Variants in ELOVL6 observed in about 807,000 individuals in gnomAD.
ELOVL6 encodes the protein very long chain fatty acid elongase 6.
Under a neutral mutation model 31.7 loss-of-function variants are expected in ELOVL6, and 8 were observed. That is an observed-to-expected ratio of 0.25 (90% CI 0.15 to 0.45). The LOEUF is 0.45. ELOVL6 is among the 20% of genes least tolerant of loss of function. The probability of loss-of-function intolerance (pLI) is 1.00; values close to 1 mark genes in which losing one functional copy is unlikely to be tolerated. For synonymous variants in ELOVL6, 101 were observed against 117.7 expected (o/e 0.86, Z 0.92); for missense variants, 126 against 326.4 (o/e 0.39, Z 4.73).
chr4:110,075,573 A>G (rs1231865091), intron 2 of ELOVL6, among the ~76,000 whole-genome samples: 1 of 152,230 alleles, frequency 6.6e-6, no homozygotes, highest in African/African-American at 2.4e-5. Flanking sequence ...ATTCATAGAT[A>G]CAGAAACTAG....
At chr4:110,120,806 T>TTTC (rs1757330611) in intron 1 of ELOVL6, among the ~76,000 whole-genome samples, 1 of 142,738 alleles carries the variant, frequency 7.0e-6, no homozygotes, top group Non-Finnish European at 1.6e-5. Context: ...TTCTTTTTTT[T>TTTC]TTTTTTTTTT....
At chr4:110,055,164 T>C (rs72676978) in intron 3 of ELOVL6, among the ~76,000 whole-genome samples, 12,443 of 152,264 alleles carry the variant, frequency 0.082, 551 homozygotes, top group Middle Eastern at 0.095. Context: ...CAGGCCACTC[T>C]GGCAGGTACA....
rs1361159786 is a variant in ELOVL6, at chr4:110,084,089, A to ATAACATATATATGCTATATATGATATATG, written c.221+21407_221+21408insCATATATCATATATAGCATATATATGTTA. 6.9e-5 allele frequency among the ~76,000 whole-genome samples: 9 copies of ATAACATATATATGCTATATATGATATATG among 130,334 alleles called. 3 individuals carry two copies. The highest frequency in any genetic ancestry group is 2.5e-4 in the African/African-American group (9 of 35,860). The allele number at this position is 130,334 out of a possible 152,430, so 85.5% of individuals were successfully genotyped here. On this transcript the variant is annotated intron_variant, in intron 2 of 3. Coordinates refer to ENST00000302274, the MANE Select transcript of ELOVL6 (RefSeq NM_024090.3). ...AACATATATATGCTATATATGATAT[A>ATAACATATATATGCTATATATGATATATG]TAACATATATATGATATATATGATA...
chr4:110,183,951 C>A (rs1337813653), intron 1 of ELOVL6, among the ~76,000 whole-genome samples: 4 of 152,138 alleles, frequency 2.6e-5, no homozygotes, highest in Non-Finnish European at 5.9e-5. Context: ...CACTGTACTC[C>A]AGCCTAGGCA....
intron 2 of ELOVL6, among the ~76,000 whole-genome samples, chr4:110,072,747 G>A (rs1483955806): frequency 6.6e-6 from 1 of 152,116 alleles, no homozygotes; most frequent in Non-Finnish European, 1.5e-5. Context: ...ATGCTGGCAT[G>A]GTTGCTCAGA....
intron 2 of ELOVL6, among the ~76,000 whole-genome samples, chr4:110,084,882 C>T (rs113666734): frequency 7.3e-5 from 11 of 151,556 alleles, no homozygotes; most frequent in Non-Finnish European, 8.8e-5. Flanking sequence ...TGTGAGCCAC[C>T]GTGCCCGGCG....
rs892099483 is a variant in ELOVL6, at chr4:110,198,567, C to G, written c.-232G>C. On this transcript the variant is annotated 5_prime_UTR_variant, in exon 1 of 4. Transcript: ENST00000302274. ...CCTCTCTCTGGGGCTCTCCTCCTCCCGGCGTCCGCATCCACCGTAGGAGGA... is the reference window on the plus strand; with the variant it reads ...CCTCTCTCTGGGGCTCTCCTCCTCCGGGCGTCCGCATCCACCGTAGGAGGA... The G allele has an allele frequency of 2.1e-6, 1 of 475,678 alleles. No homozygotes were observed. The highest frequency in any genetic ancestry group is 2.0e-5 in the African/African-American group (1 of 49,820). 29.5% of individuals were successfully genotyped at this position (475,678 alleles called of 1,614,324 possible).
chr4:110,103,507 T>A (rs1756808545), intron 2 of ELOVL6, among the ~76,000 whole-genome samples: 1 of 152,194 alleles, frequency 6.6e-6, no homozygotes, highest in Non-Finnish European at 1.5e-5. Flanking sequence ...GCATTTATCC[T>A]AATCTTTGCT....
At chr4:110,192,196 A>G (rs1210473745) in intron 1 of ELOVL6, among the ~76,000 whole-genome samples, 1 of 151,860 alleles carries the variant, frequency 6.6e-6, no homozygotes, top group Admixed American at 6.6e-5. Flanking sequence ...ATCCAAGAAA[A>G]AAAAAAAAAA....
At chr4:110,061,352 C>T (rs1225761754) in intron 2 of ELOVL6, among the ~76,000 whole-genome samples, 3 of 152,106 alleles carry the variant, frequency 2.0e-5, no homozygotes, top group South Asian at 2.1e-4. Flanking sequence ...CTCCCCTGTT[C>T]ATAACAAAAC....
intron 2 of ELOVL6, among the ~76,000 whole-genome samples, chr4:110,092,013 A>G (rs1413769814): frequency 6.6e-6 from 1 of 152,218 alleles, no homozygotes; most frequent in African/African-American, 2.4e-5. Flanking sequence ...CAATTTAGTT[A>G]TAAGTGATAA....
chr4:110,063,089 T>G (rs1755191778), intron 2 of ELOVL6, among the ~76,000 whole-genome samples: 2 of 152,226 alleles, frequency 1.3e-5, no homozygotes, highest in Admixed American at 6.5e-5. Context: ...GAAAATCACC[T>G]TCCTCGCTGA....
intron 1 of ELOVL6, among the ~76,000 whole-genome samples, chr4:110,190,457 C>A (rs768593987): frequency 2.6e-5 from 4 of 152,120 alleles, no homozygotes; most frequent in Non-Finnish European, 4.4e-5. Flanking sequence ...ATTGCACAAC[C>A]AACTTAAAAT....
chr4:110,058,370 T>C (rs974643210), intron 3 of ELOVL6, among the ~76,000 whole-genome samples: 2 of 152,200 alleles, frequency 1.3e-5, no homozygotes, highest in African/African-American at 4.8e-5. Flanking sequence ...CTGCCCCTCT[T>C]AGGAAAGGTT....
At chr4:110,185,229 T>C (rs1204948777) in intron 1 of ELOVL6, among the ~76,000 whole-genome samples, 1 of 152,220 alleles carries the variant, frequency 6.6e-6, no homozygotes. Context: ...GTATTTTTGT[T>C]AATATGAATG....
intron 1 of ELOVL6, among the ~76,000 whole-genome samples, chr4:110,140,973 G>T (rs565847550): frequency 1.3e-5 from 2 of 152,006 alleles, no homozygotes; most frequent in South Asian, 4.2e-4. Context: ...TCACAATCAC[G>T]GCAGCTTACG....
intron 2 of ELOVL6, among the ~76,000 whole-genome samples, chr4:110,101,187 G>A (rs891410986): frequency 6.6e-6 from 1 of 152,088 alleles, no homozygotes; most frequent in Non-Finnish European, 1.5e-5. Context: ...TTACAGGCAT[G>A]TGCCACCATG....
At chr4:110,112,710 T>C (rs1051741877) in intron 1 of ELOVL6, among the ~76,000 whole-genome samples, 2 of 151,132 alleles carry the variant, frequency 1.3e-5, no homozygotes, top group African/African-American at 4.9e-5. Flanking sequence ...CCCTCTCTAC[T>C]AAAAAAACAA....
chr4:110,091,335 T>C (rs1343110236), intron 2 of ELOVL6, among the ~76,000 whole-genome samples: 1 of 152,182 alleles, frequency 6.6e-6, no homozygotes, highest in East Asian at 1.9e-4. Context: ...CTGAAATCTC[T>C]AGAGGTAGGC....
Sources: gnomAD v4.1 joint callset for allele counts (sites outside exome capture counted in the v4.1 genomes callset) on GRCh38, gnomAD v4.1.1 for gene constraint, MANE v1.5 for transcripts, NCBI Gene and HGNC (gene_info 2026-07-23, HGNC 2026-07-21) for gene names.